SLC25A48: variants seen among roughly 807,000 people sequenced by gnomAD.
SLC25A48 encodes the protein solute carrier family 25 member 48.
Under a neutral mutation model 32.2 loss-of-function variants are expected in SLC25A48, and 29 were observed. The observed-to-expected ratio is 0.90, with a 90% CI of 0.67 to 1.23. The LOEUF is 1.23. Ranked by LOEUF, SLC25A48 falls within the 50% of genes most tolerant of loss-of-function variation. SLC25A48 has a pLI of 0.00. For missense variants in SLC25A48, 399 were observed against 422.7 expected (o/e 0.94, Z 0.49); for synonymous variants, 164 against 172.3 (o/e 0.95, Z 0.38).
chr5:135,734,064 G>A lies in SLC25A48; in HGVS notation c.-520-78459G>A, dbSNP rs187458771. Among the ~76,000 whole-genome samples the A allele has an allele frequency of 1.8e-3, 269 of 152,294 alleles. No individual in the cohort carries two copies. The South Asian group carries it at 0.018, about 10-fold the overall frequency. Reference sequence around the variant, plus strand: ...TCTAAAAGGCCATGGTGTAACAGGCGAATGATAACAGGCTTCAATCCCTTT... The same window carrying A: ...TCTAAAAGGCCATGGTGTAACAGGCAAATGATAACAGGCTTCAATCCCTTT... On this transcript the variant is annotated intron_variant, in intron 3 of 10. Transcript: ENST00000646290.
intron 3 of SLC25A48, among the ~76,000 whole-genome samples, chr5:135,804,859 A>G (rs982893964): frequency 6.6e-6 from 1 of 151,404 alleles, no homozygotes; most frequent in Admixed American, 6.6e-5. Context: ...TATCCTAGTG[A>G]GATATTGCTT....
chr5:135,769,932 A>G (rs1359698055), intron 3 of SLC25A48, among the ~76,000 whole-genome samples: 2 of 149,776 alleles, frequency 1.3e-5, no homozygotes, highest in African/African-American at 4.9e-5. Context: ...CGTAATATCC[A>G]GGGGGGAGAA....
chr5:135,840,392 A>G (rs1417722234), intron 1 of SLC25A48, among the ~76,000 whole-genome samples: 5 of 152,218 alleles, frequency 3.3e-5, no homozygotes, highest in African/African-American at 1.2e-4. Context: ...TTTTTTCTTT[A>G]CACATACCCT....
chr5:135,865,501 C>T (rs1239660724), intron 4 of SLC25A48, among the ~76,000 whole-genome samples: 1 of 152,174 alleles, frequency 6.6e-6, no homozygotes, highest in Non-Finnish European at 1.5e-5. Flanking sequence ...CCTTTAATAT[C>T]TAAAGCCTCT....
intron 3 of SLC25A48, among the ~76,000 whole-genome samples, chr5:135,713,718 C>A (rs1343344466): frequency 6.6e-6 from 1 of 152,186 alleles, no homozygotes; most frequent in Non-Finnish European, 1.5e-5. Flanking sequence ...GTTCCTCCCT[C>A]CCCCATCATA....
chr5:135,700,371 CAAAAAAA>C (rs34125451), intron 3 of SLC25A48, among the ~76,000 whole-genome samples: 1 of 67,976 alleles, frequency 1.5e-5, no homozygotes, highest in South Asian at 8.0e-4. Context: ...GACTCTGTCT[CAAAAAAA>C]AAAAAAAAAA....
chr5:135,872,109 C>G, intron 5 of SLC25A48: 1 of 863,488 alleles, frequency 1.2e-6, no homozygotes, highest in Admixed American at 4.0e-5. Context: ...TGAGAAAACT[C>G]AGGTCCAGAA....
chr5:135,873,938 T>C, intron 5 of SLC25A48, 83 bp from the exon 6 acceptor site: 2 of 1,391,874 alleles, frequency 1.4e-6, no homozygotes, highest in Non-Finnish European at 1.9e-6. Flanking sequence ...AATGAATCTC[T>C]AAATGGTAGA....
chr5:135,608,638 T>C (rs1561756203), intron 1 of SLC25A48, among the ~76,000 whole-genome samples: 1 of 152,202 alleles, frequency 6.6e-6, no homozygotes, highest in East Asian at 1.9e-4. Flanking sequence ...CAGTCGTGCC[T>C]GGAGGTGCAG....
At chr5:135,858,604 C>G (rs79648361) in intron 4 of SLC25A48, among the ~76,000 whole-genome samples, 2,062 of 152,304 alleles carry the variant, frequency 0.014, 39 homozygotes, top group African/African-American at 0.043. Flanking sequence ...TTCATACCCC[C>G]AGGTCCCTCC....
At chr5:135,886,687 A>T (rs1188557159) in intron 7 of SLC25A48, among the ~76,000 whole-genome samples, 3 of 141,140 alleles carry the variant, frequency 2.1e-5, no homozygotes, top group African/African-American at 7.8e-5. Context: ...AGAGAGAGAG[A>T]GAGAGAGAGA....
chr5:135,757,755 TATC>T (rs144449979), intron 3 of SLC25A48, among the ~76,000 whole-genome samples: 8,016 of 150,056 alleles, frequency 0.053, 449 homozygotes, highest in African/African-American at 0.15. Context: ...ATTAATAAAG[TATC>T]ATCTAGATTA....
At chr5:135,588,659 T>C (rs1751431263) in intron 1 of SLC25A48, among the ~76,000 whole-genome samples, 1 of 152,246 alleles carries the variant, frequency 6.6e-6, no homozygotes, top group Non-Finnish European at 1.5e-5. Flanking sequence ...CCTTGAAGGA[T>C]GAGGAAGACT....
At chr5:135,658,855 G>C (rs1197106073) in intron 3 of SLC25A48, among the ~76,000 whole-genome samples, 2 of 152,218 alleles carry the variant, frequency 1.3e-5, no homozygotes, top group Non-Finnish European at 2.9e-5. Context: ...TTTTAGTCAT[G>C]GCTGGAGCTG....
At chr5:135,600,257 T>C (rs2126883126) in intron 1 of SLC25A48, among the ~76,000 whole-genome samples, 1 of 152,312 alleles carries the variant, frequency 6.6e-6, no homozygotes, top group Admixed American at 6.5e-5. Flanking sequence ...GGAGAGCAGA[T>C]GAATAATGTG....
rs764804314 is a variant in SLC25A48, at chr5:135,888,023, T to A, written c.*8-9T>A. 1 of 1,551,372 alleles carries A rather than the reference T, an allele frequency of 6.4e-7. No individual in the cohort carries two copies. The highest frequency in any genetic ancestry group is 1.2e-5 in the South Asian group (1 of 84,026). ...TCTTCTCTGAGTCTGGGTTGTTTGC[T>A]GTTTCCAGGAGGTGAACACAGGATG... On this transcript the variant is annotated splice_polypyrimidine_tract_variant and intron_variant, in intron 7 of 7. Transcript: ENST00000681962.
At chr5:135,662,576 T>A (rs1045099592) in intron 3 of SLC25A48, among the ~76,000 whole-genome samples, 13 of 152,158 alleles carry the variant, frequency 8.5e-5, no homozygotes, top group African/African-American at 3.1e-4. Context: ...GGGAGACCCC[T>A]GGGCCTGGGG....
intron 3 of SLC25A48, among the ~76,000 whole-genome samples, chr5:135,667,772 C>A (rs532071185): frequency 6.6e-6 from 1 of 152,312 alleles, no homozygotes; most frequent in Non-Finnish European, 1.5e-5. Context: ...ATAAAAAATC[C>A]TGTCATTTAA....
chr5:135,870,887 T>C (rs373041030), intron 4 of SLC25A48, among the ~76,000 whole-genome samples: 2 of 151,182 alleles, frequency 1.3e-5, no homozygotes, highest in African/African-American at 4.9e-5. Flanking sequence ...TAAAATTATT[T>C]ATTTTATTTT....
Sources: gnomAD v4.1 joint callset for allele counts (sites outside exome capture counted in the v4.1 genomes callset) on GRCh38, gnomAD v4.1.1 for gene constraint, MANE v1.5 for transcripts, NCBI Gene and HGNC (gene_info 2026-07-23, HGNC 2026-07-21) for gene names.